HTR1F: variants seen among roughly 807,000 people sequenced by gnomAD.
HTR1F encodes 5-hydroxytryptamine (serotonin) receptor 1F, G protein-coupled.
A neutral mutation model predicts 24.0 loss-of-function variants in HTR1F; 17 were observed. That is an observed-to-expected ratio of 0.71 (90% CI 0.48 to 1.06). HTR1F has a LOEUF of 1.06. Ranked by LOEUF, HTR1F falls within the 50% of genes least tolerant of loss-of-function variation. The pLI is 0.00. For missense variants in HTR1F, 391 were observed against 427.8 expected, an observed-to-expected ratio of 0.91 and a Z score of 0.76; for synonymous variants, 186 against 156.8, an observed-to-expected ratio of 1.19 and a Z score of -1.39.
chr3:87,902,419 C>G (rs1462170422), intron 2 of HTR1F, among the ~76,000 whole-genome samples: 5 of 151,950 alleles, frequency 3.3e-5, no homozygotes, highest in Non-Finnish European at 5.9e-5. Context: ...AAGTCAATTC[C>G]AAGTAGATCG....
At chr3:87,944,825 C>T (rs1284980651) in intron 2 of HTR1F, among the ~76,000 whole-genome samples, 2 of 152,120 alleles carry the variant, frequency 1.3e-5, no homozygotes, top group Non-Finnish European at 2.9e-5. Context: ...TTGGGCCATC[C>T]GTGGGTTACG....
chr3:87,944,416 C>A (rs1264395233), intron 2 of HTR1F, among the ~76,000 whole-genome samples: 1 of 152,174 alleles, frequency 6.6e-6, no homozygotes, highest in Non-Finnish European at 1.5e-5. Context: ...AATTATTAAG[C>A]AATTTTTCTA....
chr3:87,821,173 G>C (rs1254521151), intron 1 of HTR1F, among the ~76,000 whole-genome samples: 2 of 152,084 alleles, frequency 1.3e-5, no homozygotes, highest in Non-Finnish European at 1.5e-5. Context: ...TAAATACGTT[G>C]TTTAGATTCT....
chr3:87,916,313 A>G (rs1415190948), intron 2 of HTR1F, among the ~76,000 whole-genome samples: 2 of 51,576 alleles, frequency 3.9e-5, no homozygotes, highest in African/African-American at 1.3e-4. Flanking sequence ...AAAAAAGAAA[A>G]AAAAAAAAAA....
chr3:87,796,210 G>GACAAGACTTGATGAT (rs139718871), intron 1 of HTR1F, among the ~76,000 whole-genome samples: 19,884 of 152,036 alleles, frequency 0.13, 1,722 homozygotes, highest in Non-Finnish European at 0.19. Flanking sequence ...AGGCAAAGGT[G>GACAAGACTTGATGAT]ACAAGACTTG....
At chr3:87,846,138 T>C (rs1485423367) in intron 2 of HTR1F, among the ~76,000 whole-genome samples, 12 of 151,888 alleles carry the variant, frequency 7.9e-5, no homozygotes, top group African/African-American at 2.7e-4. Flanking sequence ...TATAAAACTA[T>C]AAAAGTAGTA....
intron 2 of HTR1F, among the ~76,000 whole-genome samples, chr3:87,919,284 T>A (rs1433941434): frequency 1.3e-5 from 2 of 151,714 alleles, no homozygotes; most frequent in African/African-American, 4.8e-5. Context: ...AAGATAACAC[T>A]GGAAAACCCC....
rs541823230 is a variant in HTR1F, at chr3:87,886,278, C to T, written c.-43+64154C>T. 7.9e-5 allele frequency among the ~76,000 whole-genome samples: 12 copies of T among 152,200 alleles called. No homozygotes were observed. In the South Asian group the frequency reaches 2.5e-3, roughly 32 times the overall value. ...CAATAGATGCAGAAAAGGCCTTTGA[C>T]AAAATTCAACAGCCCTTCCTGCTAA... On this transcript the variant is annotated intron_variant, in intron 2 of 2. Transcript: ENST00000319595.
intron 2 of HTR1F, among the ~76,000 whole-genome samples, chr3:87,933,348 G>A (rs1704330701): frequency 6.6e-6 from 1 of 151,454 alleles, no homozygotes; most frequent in Non-Finnish European, 1.5e-5. Flanking sequence ...TGGAAGTTCT[G>A]GCCAGGGCAA....
At chr3:87,868,805 A>C (rs2107247511) in intron 2 of HTR1F, among the ~76,000 whole-genome samples, 1 of 152,136 alleles carries the variant, frequency 6.6e-6, no homozygotes, top group Admixed American at 6.6e-5. Flanking sequence ...AAGGGCATGA[A>C]GTTAGCTTAA....
chr3:87,893,836 G>T (rs1295026541), intron 2 of HTR1F, among the ~76,000 whole-genome samples: 1 of 152,120 alleles, frequency 6.6e-6, no homozygotes, highest in Non-Finnish European at 1.5e-5. Flanking sequence ...TCATTATAAT[G>T]CTACATAAGT....
intron 2 of HTR1F, among the ~76,000 whole-genome samples, chr3:87,844,261 C>A (rs1332371811): frequency 6.6e-6 from 1 of 151,522 alleles, no homozygotes; most frequent in Non-Finnish European, 1.5e-5. Context: ...TTTTGATTTG[C>A]GTTTCTCTGA....
At chr3:87,800,524 G>A (rs1464285963) in intron 1 of HTR1F, among the ~76,000 whole-genome samples, 5 of 152,132 alleles carry the variant, frequency 3.3e-5, no homozygotes, top group Non-Finnish European at 7.3e-5. Context: ...TATCCATAGT[G>A]CATTCACCAT....
chr3:87,855,409 G>C (rs1374427496), intron 2 of HTR1F, among the ~76,000 whole-genome samples: 2 of 151,990 alleles, frequency 1.3e-5, no homozygotes, highest in Non-Finnish European at 2.9e-5. Flanking sequence ...TTATCCCAGA[G>C]GCCTCCAAGG....
chr3:87,865,853 G>A (rs1048969217), intron 2 of HTR1F, among the ~76,000 whole-genome samples: 1 of 152,050 alleles, frequency 6.6e-6, no homozygotes, highest in African/African-American at 2.4e-5. Context: ...AATTCATGTT[G>A]CATGTATATC....
intron 2 of HTR1F, among the ~76,000 whole-genome samples, chr3:87,824,388 C>G (rs1266398487): frequency 6.6e-6 from 1 of 152,128 alleles, no homozygotes; most frequent in Non-Finnish European, 1.5e-5. Flanking sequence ...GATCCCTGGC[C>G]AGTATTTCAA....
chr3:87,976,740 A>G (rs548657864), intron 2 of HTR1F, among the ~76,000 whole-genome samples: 2 of 152,346 alleles, frequency 1.3e-5, no homozygotes, highest in East Asian at 3.9e-4. Flanking sequence ...CTAACTTTAC[A>G]AACAAAAGTT....
chr3:87,947,046 T>G (rs1430498461), intron 2 of HTR1F, among the ~76,000 whole-genome samples: 1 of 152,230 alleles, frequency 6.6e-6, no homozygotes, highest in Non-Finnish European at 1.5e-5. Flanking sequence ...ATATTTTGAA[T>G]CTAAGAATAA....
chr3:87,911,932 C>T (rs1398831143), intron 2 of HTR1F, among the ~76,000 whole-genome samples: 1 of 152,038 alleles, frequency 6.6e-6, no homozygotes, highest in Non-Finnish European at 1.5e-5. Flanking sequence ...ATAATGAGAG[C>T]CATCTATAAC....
Sources: allele counts gnomAD v4.1 joint callset (sites outside exome capture counted in the v4.1 genomes callset), GRCh38; gene constraint gnomAD v4.1.1; transcripts MANE v1.5; gene names NCBI Gene and HGNC (gene_info 2026-07-23, HGNC 2026-07-21).